The following TRAPPC9 variants were observed in gnomAD, a reference collection of about 807,000 sequenced individuals.
TRAPPC9 encodes trafficking protein particle complex subunit 9.
TRAPPC9 carries 83 observed loss-of-function variants against 124.0 expected under a neutral mutation model. The ratio of observed to expected loss-of-function variants is 0.67; its 90% CI spans 0.56 to 0.80. The LOEUF (loss-of-function observed/expected upper bound fraction) is 0.80. TRAPPC9 is among the 30% of genes least tolerant of loss of function. TRAPPC9 has a pLI of 0.00. For synonymous variants in TRAPPC9, 638 were observed against 617.5 expected, an observed-to-expected ratio of 1.03 and a Z score of -0.49; for missense variants, 1,302 against 1,508.3, an observed-to-expected ratio of 0.86 and a Z score of 2.27.
intron 21 of TRAPPC9, among the ~76,000 whole-genome samples, chr8:139,756,435 G>C (rs1323230246): frequency 1.5e-5 from 2 of 133,508 alleles, no homozygotes. Context: ...CCAGGGTTTG[G>C]GGATGAGGAC....
At chr8:139,785,007 A>ATTACC (rs752321739) in intron 21 of TRAPPC9, among the ~76,000 whole-genome samples, 3 of 152,204 alleles carry the variant, frequency 2.0e-5, no homozygotes, top group Non-Finnish European at 4.4e-5. Context: ...TGGCCAAAAT[A>ATTACC]TTACCTGACT....
chr8:139,792,981 C>A (rs1822804532), intron 21 of TRAPPC9, among the ~76,000 whole-genome samples: 1 of 152,182 alleles, frequency 6.6e-6, no homozygotes, highest in African/African-American at 2.4e-5. Flanking sequence ...CATCTTGGGG[C>A]CCACAGGACT....
At chr8:139,813,190 A>G (rs1176243735) in intron 21 of TRAPPC9, among the ~76,000 whole-genome samples, 1 of 152,232 alleles carries the variant, frequency 6.6e-6, no homozygotes, top group African/African-American at 2.4e-5. Flanking sequence ...GAGGCAAACT[A>G]GGCCCACTCT....
intron 17 of TRAPPC9, among the ~76,000 whole-genome samples, chr8:140,191,179 A>C (rs1371899031): frequency 6.6e-6 from 1 of 152,226 alleles, no homozygotes; most frequent in African/African-American, 2.4e-5. Context: ...TTGAGGGCCG[A>C]CAACGTGCCA....
intron 21 of TRAPPC9, among the ~76,000 whole-genome samples, chr8:139,870,502 A>G (rs1828833702): frequency 6.6e-6 from 1 of 152,218 alleles, no homozygotes; most frequent in African/African-American, 2.4e-5. Context: ...TATAACAGCA[A>G]AACATTAGAA....
chr8:140,070,699 G>T (rs1483691281), intron 17 of TRAPPC9, among the ~76,000 whole-genome samples: 1 of 152,172 alleles, frequency 6.6e-6, no homozygotes, highest in Non-Finnish European at 1.5e-5. Context: ...GAAAGATCAG[G>T]CTGCTCACCA....
At chr8:140,357,354 C>T (rs538582504) in intron 9 of TRAPPC9, among the ~76,000 whole-genome samples, 1 of 152,170 alleles carries the variant, frequency 6.6e-6, no homozygotes, top group East Asian at 1.9e-4. Context: ...GTGACACTGA[C>T]GGCTCAGGCG....
At chr8:140,275,596 T>C in intron 15 of TRAPPC9, 62 bp downstream of exon 15, 5 of 1,536,342 alleles carry the variant, frequency 3.3e-6, no homozygotes, top group Admixed American at 1.7e-5. Flanking sequence ...GAATTTAAAG[T>C]ATCTCTTCTA....
At chr8:139,763,656 GCA>G (rs1820388196) in intron 21 of TRAPPC9, among the ~76,000 whole-genome samples, 1 of 151,920 alleles carries the variant, frequency 6.6e-6, no homozygotes, top group South Asian at 2.1e-4. Context: ...ACAGGCACAT[GCA>G]CACACATGCA....
At chr8:140,250,169 G>C (rs1007437143) in intron 16 of TRAPPC9, among the ~76,000 whole-genome samples, 4 of 152,000 alleles carry the variant, frequency 2.6e-5, no homozygotes, top group Non-Finnish European at 4.4e-5. Flanking sequence ...TTATAAAATG[G>C]GAATTACAAC....
At chr8:139,986,322 T>C (rs1353764529) in intron 19 of TRAPPC9, among the ~76,000 whole-genome samples, 1 of 152,010 alleles carries the variant, frequency 6.6e-6, no homozygotes, top group Non-Finnish European at 1.5e-5. Context: ...AATAAAGTAG[T>C]AAAACATGGA....
chr8:139,884,867 G>A (rs541375909), intron 21 of TRAPPC9, among the ~76,000 whole-genome samples: 26 of 152,330 alleles, frequency 1.7e-4, no homozygotes, highest in Admixed American at 4.6e-4. Flanking sequence ...ACCTGGTCCC[G>A]ACAGCTTTCA....
rs1044678356 is a variant in TRAPPC9, at chr8:140,252,496, G to A, written c.2431+281C>T. The A allele has an allele frequency of 5.5e-5, 23 of 420,190 alleles. No individual in the cohort carries two copies. Among genetic ancestry groups the A allele is most frequent in the Middle Eastern group, 6.7e-4 (1 of 1,484 alleles). The allele number at this position is 420,190 out of a possible 1,614,324, so 26.0% of individuals were successfully genotyped here. The stretch of plus-strand genomic sequence containing the variant: ...CAGCAGTTATACTTGAAAAAACGCA[G>A]TAATTCCTACATTCCACTAATTTAG... On this transcript the variant is annotated intron_variant, in intron 16 of 22. Transcript: ENST00000438773. The surrounding 1 kb of genome is among the most constrained non-coding windows in gnomAD (Gnocchi z 4.2).
chr8:139,879,058 G>A lies in TRAPPC9; in HGVS notation c.3055+6821C>T, dbSNP rs534363996. Among the ~76,000 whole-genome samples the A allele has an allele frequency of 7.2e-5, 11 of 152,370 alleles. No homozygotes were observed. In the South Asian group the frequency reaches 2.3e-3, roughly 32 times the overall value. On this transcript the variant is annotated intron_variant, in intron 21 of 22. Transcript: ENST00000438773. The stretch of plus-strand genomic sequence containing the variant: ...AATCAGTCAGGCCAGGCCAAAGCTG[G>A]GGATACTGAGTCTGCCAGGGAACGA...
chr8:140,144,805 C>T (rs1337468449), intron 17 of TRAPPC9, among the ~76,000 whole-genome samples: 1 of 151,554 alleles, frequency 6.6e-6, no homozygotes, highest in Non-Finnish European at 1.5e-5. Flanking sequence ...ATTTTTCTAA[C>T]TGGTTTTTAT....
chr8:139,864,475 C>G (rs1828391953), intron 21 of TRAPPC9, among the ~76,000 whole-genome samples: 1 of 152,206 alleles, frequency 6.6e-6, no homozygotes, highest in Non-Finnish European at 1.5e-5. Context: ...TTCATTTTCT[C>G]ATTTAAGGGA....
intron 17 of TRAPPC9, among the ~76,000 whole-genome samples, chr8:140,065,732 T>C (rs1002776552): frequency 2.6e-5 from 4 of 152,210 alleles, no homozygotes; most frequent in Admixed American, 2.6e-4. Flanking sequence ...GAAAAAAAGA[T>C]TCCTTTCAAA....
intron 17 of TRAPPC9, among the ~76,000 whole-genome samples, chr8:140,215,649 A>C (rs1473413074): frequency 6.7e-6 from 1 of 148,688 alleles, no homozygotes; most frequent in African/African-American, 2.5e-5. Flanking sequence ...CCATCTCCGA[A>C]AAAAAAAAAA....
intron 19 of TRAPPC9, among the ~76,000 whole-genome samples, chr8:139,920,734 A>G (rs1158853932): frequency 6.6e-6 from 1 of 152,252 alleles, no homozygotes; most frequent in Non-Finnish European, 1.5e-5. Flanking sequence ...AAAATCTGCT[A>G]CCACAGCAAC....
Sources: gnomAD v4.1 joint callset for allele counts (sites outside exome capture counted in the v4.1 genomes callset) on GRCh38, gnomAD v4.1.1 for gene constraint, Gnocchi (gnomAD v3.1) non-coding constraint, MANE v1.5 for transcripts, NCBI Gene and HGNC (gene_info 2026-07-23, HGNC 2026-07-21) for gene names.